ZNF75D: variants seen among roughly 807,000 people sequenced by gnomAD.
The protein encoded by ZNF75D is zinc finger protein 75D, also known as zinc finger protein 75.
ZNF75D carries 33 observed loss-of-function variants against 33.3 expected under a neutral mutation model. The ratio of observed to expected loss-of-function variants is 0.99; its 90% CI spans 0.75 to 1.32. ZNF75D has a LOEUF of 1.32. Among genes scored for constraint, ZNF75D ranks in the 40% most tolerant of loss-of-function variants. The probability of loss-of-function intolerance (pLI) is 0.00; values close to 1 mark genes in which losing one functional copy is unlikely to be tolerated. For missense variants in ZNF75D, 338 were observed against 367.5 expected (o/e 0.92, Z 0.66); for synonymous variants, 113 against 130.6 (o/e 0.87, Z 0.92).
rs2084378931 is a variant in ZNF75D, at chrX:135,313,019, C to CT, written c.-390-16981dup. Among the ~76,000 whole-genome samples the CT allele has an allele frequency of 2.7e-5, 3 of 111,614 alleles. No individual in the cohort carries two copies. The South Asian group carries it at 1.1e-3, about 41-fold the overall frequency. On this transcript the variant is annotated intron_variant, in intron 1 of 6. Coordinates refer to ENST00000370766, the MANE Select transcript of ZNF75D (RefSeq NM_007131.5). ...TAGTTTGATATAGTCCTTTTTGTCT[C>CT]TTTTTGCTTTAGTTGTCTGTGCTTT...
At chrX:135,299,981 G>C (rs1357096733) in intron 1 of ZNF75D, among the ~76,000 whole-genome samples, 1 of 112,062 alleles carries the variant, frequency 8.9e-6, no homozygotes, top group Non-Finnish European at 1.9e-5. Flanking sequence ...TAAATGTCTA[G>C]TCTTATGCAA....
At chrX:135,278,638 C>A (rs200434816) in intron 1 of ZNF75D, among the ~76,000 whole-genome samples, 1 of 110,270 alleles carries the variant, frequency 9.1e-6, no homozygotes. Context: ...CATAAATAGC[C>A]CTTATTATTT....
intron 1 of ZNF75D, among the ~76,000 whole-genome samples, chrX:135,268,237 A>G (rs1367545374): frequency 9.7e-6 from 1 of 102,915 alleles, no homozygotes; most frequent in Non-Finnish European, 2.0e-5. Flanking sequence ...GTTATTCAAC[A>G]TAATAATGAA....
intron 1 of ZNF75D, among the ~76,000 whole-genome samples, chrX:135,313,461 C>T (rs781849690): frequency 7.3e-5 from 8 of 109,378 alleles, no homozygotes; most frequent in African/African-American, 2.6e-4. Flanking sequence ...TTTGCTTTGG[C>T]TATTCTGGCT....
chrX:135,292,488 C>G lies in ZNF75D; in HGVS notation c.412-15G>C. The G allele has an allele frequency of 2.5e-6, 3 of 1,206,113 alleles. No individual in the cohort carries two copies. The highest frequency in any genetic ancestry group is 3.4e-6 in the Non-Finnish European group (3 of 891,914). ...TGGGCTGTGACCTAGAAATAATCCC[C>G]ATCCTCATTAGCACAGAACTTACTT... is the stretch of plus-strand genomic sequence containing the variant. On this transcript the variant is annotated splice_polypyrimidine_tract_variant and intron_variant, in intron 3 of 6. Transcript: ENST00000370766.
rs914749154 is a variant in ZNF75D, at chrX:135,341,946, T to C, written c.-569A>G. 8.9e-6 allele frequency: 1 copy of C among 112,285 alleles called. No homozygotes were observed. The highest frequency in any genetic ancestry group is 1.9e-5 in the Non-Finnish European group (1 of 53,284). 9.3% of individuals were successfully genotyped at this position (112,285 alleles called of 1,213,427 possible). ...CTCTTGACCTTGAAAATGCTTTTTT[T>C]CTCAATAACTGTTAGTAAAGACCAC... On this transcript the variant is annotated 5_prime_UTR_variant, in exon 1 of 7. Transcript: ENST00000370766.
chrX:135,338,720 A>G (rs1485151811), intron 1 of ZNF75D, among the ~76,000 whole-genome samples: 1 of 111,108 alleles, frequency 9.0e-6, no homozygotes, highest in East Asian at 2.9e-4. Flanking sequence ...CTTTAAGGTG[A>G]CTCAATTCCT....
At chrX:135,258,311 A>G (rs782022972) in intron 1 of ZNF75D, among the ~76,000 whole-genome samples, 1 of 110,665 alleles carries the variant, frequency 9.0e-6, no homozygotes, top group African/African-American at 3.3e-5. Context: ...GTATATACCC[A>G]GTAATGTGAT....
At chrX:135,319,025 A>T (rs1263920098) in intron 1 of ZNF75D, among the ~76,000 whole-genome samples, 4 of 110,845 alleles carry the variant, frequency 3.6e-5, no homozygotes, top group African/African-American at 1.3e-4. Context: ...CTGTACACAC[A>T]TTCTTCTATT....
At chrX:135,336,375 G>A (rs992093833) in intron 1 of ZNF75D, among the ~76,000 whole-genome samples, 10 of 112,895 alleles carry the variant, frequency 8.9e-5, no homozygotes, top group Non-Finnish European at 1.7e-4. Context: ...AATAGACAAA[G>A]ACTGTGGTAC....
chrX:135,256,436 C>G (rs1327194450), intron 1 of ZNF75D, among the ~76,000 whole-genome samples: 1 of 111,518 alleles, frequency 9.0e-6, no homozygotes, highest in African/African-American at 3.3e-5. Flanking sequence ...TGGGGGGGTG[C>G]ATTTGGACCA....
At chrX:135,325,553 C>T (rs1036167685) in intron 1 of ZNF75D, among the ~76,000 whole-genome samples, 4 of 112,357 alleles carry the variant, frequency 3.6e-5, no homozygotes, top group Admixed American at 1.8e-4. Flanking sequence ...TCGGAGCAGC[C>T]GGCCGGCCCT....
chrX:135,253,505 C>T lies in ZNF75D; in HGVS notation n.1151-1494G>A, dbSNP rs1319714510. ...CTTGGACAAAAAGTCATGTGGCTTACGTGCTGAAGCCTGCCCATATTTTTG... is the reference window on the plus strand; with the variant it reads ...CTTGGACAAAAAGTCATGTGGCTTATGTGCTGAAGCCTGCCCATATTTTTG... On this transcript the variant is annotated intron_variant and non_coding_transcript_variant, in intron 2 of 3. Transcript: ENST00000494295. The T allele has an allele frequency of 5.1e-5, 15 of 292,930 alleles. No homozygotes were observed. In the East Asian group the frequency reaches 7.2e-4, roughly 14 times the overall value. 24.1% of individuals were successfully genotyped at this position (292,930 alleles called of 1,213,427 possible). A position where few individuals can be genotyped will look rare whatever the true frequency, so the allele number is the denominator to read the frequency against.
intron 1 of ZNF75D, among the ~76,000 whole-genome samples, chrX:135,272,801 GC>G (rs1171683740): frequency 1.8e-5 from 2 of 111,252 alleles, no homozygotes; most frequent in African/African-American, 6.5e-5. Context: ...TTTACATAGG[GC>G]GTACACCTAG....
intron 1 of ZNF75D, among the ~76,000 whole-genome samples, chrX:135,279,953 T>C (rs2083914080): frequency 8.9e-6 from 1 of 111,798 alleles, no homozygotes; most frequent in Non-Finnish European, 1.9e-5. Flanking sequence ...GAAGAATGTA[T>C]ATTCTGTTTA....
At chrX:135,289,966 A>C (rs1256391290) in intron 6 of ZNF75D, among the ~76,000 whole-genome samples, 1 of 112,224 alleles carries the variant, frequency 8.9e-6, no homozygotes, top group Non-Finnish European at 1.9e-5. Flanking sequence ...ATACTAAGTG[A>C]ATCATGATAA....
chrX:135,332,663 T>A lies in ZNF75D; in HGVS notation c.-391+9105A>T, dbSNP rs7063493. Among the ~76,000 whole-genome samples, 318 of 112,267 alleles carry A rather than the reference T, an allele frequency of 2.8e-3. 2 individuals carry two copies. The highest frequency in any genetic ancestry group is 9.4e-3 in the African/African-American group (289 of 30,909). On this transcript the variant is annotated intron_variant, in intron 1 of 6. Transcript: ENST00000370766. The stretch of plus-strand genomic sequence containing the variant: ...AATTGGACTAAGTAAGACAAGTTTG[T>A]TACATACAAAGATAGTAAAGATTCA...
At chrX:135,320,292 CAA>C (rs782354392) in intron 1 of ZNF75D, among the ~76,000 whole-genome samples, 6 of 69,947 alleles carry the variant, frequency 8.6e-5, no homozygotes, top group Non-Finnish European at 5.7e-5. Context: ...GACTCCATCT[CAA>C]AAAAAAAAAA....
chrX:135,322,574 T>C (rs1172700158), intron 1 of ZNF75D, among the ~76,000 whole-genome samples: 1 of 112,308 alleles, frequency 8.9e-6, no homozygotes, highest in Non-Finnish European at 1.9e-5. Flanking sequence ...AGGATAGATA[T>C]AGATATTGAC....
Sources: allele counts gnomAD v4.1 joint callset (sites outside exome capture counted in the v4.1 genomes callset), GRCh38; gene constraint gnomAD v4.1.1; transcripts MANE v1.5; gene names NCBI Gene and HGNC (gene_info 2026-07-23, HGNC 2026-07-21).